RNF121: variants seen among roughly 807,000 people sequenced by gnomAD.
RNF121 encodes ring finger protein 121, also known as E3 ubiquitin ligase RNF121.
A neutral mutation model predicts 46.5 loss-of-function variants in RNF121; 21 were observed. That is an observed-to-expected ratio of 0.45 (90% CI 0.32 to 0.65). RNF121 has a LOEUF of 0.65. Ranked by LOEUF, RNF121 falls within the 30% of genes least tolerant of loss-of-function variation. RNF121 has a pLI of 0.04. For missense variants in RNF121, 346 were observed against 416.0 expected (o/e 0.83, Z 1.46); for synonymous variants, 139 against 144.7 (o/e 0.96, Z 0.28).
intron 1 of RNF121, among the ~76,000 whole-genome samples, chr11:71,941,028 A>G (rs567992947): frequency 6.6e-6 from 1 of 152,222 alleles, no homozygotes; most frequent in Non-Finnish European, 1.5e-5. Flanking sequence ...GTTAAACGTA[A>G]GGGGATAGCA....
At chr11:71,954,118 T>C (rs1390358532) in intron 1 of RNF121, among the ~76,000 whole-genome samples, 1 of 152,194 alleles carries the variant, frequency 6.6e-6, no homozygotes, top group Admixed American at 6.5e-5. Context: ...CTACCTGAGC[T>C]TTGGACAAGG....
At chr11:71,987,222 T>G in intron 5 of RNF121, 111 bp downstream of exon 5, 1 of 723,260 alleles carries the variant, frequency 1.4e-6, no homozygotes, top group South Asian at 1.5e-5. Context: ...ATATCCAGGA[T>G]AGGAGACTTG....
At chr11:71,983,461 A>G (rs1432970217) in intron 4 of RNF121, among the ~76,000 whole-genome samples, 1 of 152,256 alleles carries the variant, frequency 6.6e-6, no homozygotes, top group Non-Finnish European at 1.5e-5. Context: ...GAATCTCAGC[A>G]AATTTATAAT....
chr11:71,953,601 G>T (rs1007252044), intron 1 of RNF121, among the ~76,000 whole-genome samples: 1 of 152,154 alleles, frequency 6.6e-6, no homozygotes, highest in African/African-American at 2.4e-5. Flanking sequence ...GGGTACTCTT[G>T]GTGCTAGGCT....
At chr11:71,942,791 G>GATAC (rs1216560396) in intron 1 of RNF121, among the ~76,000 whole-genome samples, 7 of 70,996 alleles carry the variant, frequency 9.9e-5, no homozygotes, top group Non-Finnish European at 1.9e-4. Context: ...TATATATATA[G>GATAC]ATATATATAT....
At chr11:71,949,379 C>T (rs903335484) in intron 1 of RNF121, among the ~76,000 whole-genome samples, 4 of 151,970 alleles carry the variant, frequency 2.6e-5, no homozygotes, top group Non-Finnish European at 5.9e-5. Flanking sequence ...GATTGCACTA[C>T]GGCACTCCAG....
rs1192627641 is a variant in RNF121 at position 71,994,161 on chromosome 11, C to T, written c.628-558C>T. The stretch of plus-strand genomic sequence containing the variant: ...AGCCTCCTCTTATTTCTTTAAATTC[C>T]TTGAAGTGAAATTAATGGGTCAAAA... On this transcript the variant is annotated intron_variant, in intron 6 of 8. Coordinates refer to ENST00000361756, the MANE Select transcript of RNF121 (RefSeq NM_018320.5). Among the ~76,000 whole-genome samples the T allele has an allele frequency of 2.6e-5, 4 of 152,068 alleles. No individual in the cohort carries two copies. In the East Asian group the frequency reaches 7.7e-4, roughly 29 times the overall value.
At chr11:71,960,631 C>A in intron 2 of RNF121, 119 bp from the exon 3 acceptor site, 1 of 1,181,648 alleles carries the variant, frequency 8.5e-7, no homozygotes, top group Non-Finnish European at 1.2e-6. Context: ...TGGTACCCTG[C>A]AGCTATGAAG....
chr11:71,989,468 G>A lies in RNF121; in HGVS notation c.507-1129G>A, dbSNP rs79844647. ...TCTACAATGAGGAAAACAGAATTGA[G>A]AATCTTGATCATTTTTGTGCTACTG... On this transcript the variant is annotated intron_variant, in intron 5 of 8. Coordinates refer to ENST00000361756, the MANE Select transcript of RNF121 (RefSeq NM_018320.5). Among the ~76,000 whole-genome samples, 41 of 152,254 alleles carry A rather than the reference G, an allele frequency of 2.7e-4. No individual in the cohort carries two copies. The East Asian group carries it at 7.7e-3, about 29-fold the overall frequency.
intron 2 of RNF121, among the ~76,000 whole-genome samples, chr11:71,958,682 G>A (rs1954052089): frequency 6.6e-6 from 1 of 152,112 alleles, no homozygotes; most frequent in Non-Finnish European, 1.5e-5. Flanking sequence ...ATCTAGCCTG[G>A]ATGACAGAGC....
At chr11:71,929,148 AGAGACTCAACCT>A in intron 1 of RNF121, 24 bp downstream of exon 1, 1 of 1,548,678 alleles carries the variant, frequency 6.5e-7, no homozygotes, top group Non-Finnish European at 8.7e-7. Context: ...AGAGACGAGG[AGAGACTCAACCT>A]GAGACTGAGG....
intron 3 of RNF121, among the ~76,000 whole-genome samples, chr11:71,974,743 G>A (rs546917913): frequency 7.9e-5 from 12 of 152,210 alleles, no homozygotes; most frequent in Middle Eastern, 3.4e-3. Flanking sequence ...TTGGATCTCA[G>A]GTACTTTCTC....
chr11:71,934,016 G>A (rs954295766), intron 1 of RNF121, among the ~76,000 whole-genome samples: 24 of 152,000 alleles, frequency 1.6e-4, no homozygotes, highest in African/African-American at 7.3e-5. Context: ...AATTACTTCC[G>A]GGCTTTGTTG....
At chr11:71,930,476 A>G (rs1339694142) in intron 1 of RNF121, among the ~76,000 whole-genome samples, 1 of 152,150 alleles carries the variant, frequency 6.6e-6, no homozygotes, top group Non-Finnish European at 1.5e-5. Context: ...GGACTGAGAA[A>G]TTGACAGGTG....
At chr11:71,959,984 G>A (rs1482517502) in intron 2 of RNF121, among the ~76,000 whole-genome samples, 1 of 152,118 alleles carries the variant, frequency 6.6e-6, no homozygotes, top group East Asian at 1.9e-4. Context: ...GACCCAGAGT[G>A]GTAGGAGTGA....
At chr11:71,934,770 G>C (rs889984588) in intron 1 of RNF121, among the ~76,000 whole-genome samples, 4 of 152,178 alleles carry the variant, frequency 2.6e-5, no homozygotes, top group African/African-American at 9.6e-5. Flanking sequence ...TTCTAGACTA[G>C]GAATAGCAGA....
intron 3 of RNF121, among the ~76,000 whole-genome samples, chr11:71,968,846 AT>A (rs1380819659): frequency 1.3e-5 from 2 of 149,780 alleles, no homozygotes. Flanking sequence ...CCAAGAGAAG[AT>A]TTTGGTACAT....
intron 6 of RNF121, 55 bp from the exon 7 acceptor site, chr11:71,994,664 C>G (rs1357645019): frequency 5.6e-6 from 9 of 1,609,170 alleles, no homozygotes; most frequent in Non-Finnish European, 6.8e-6. Flanking sequence ...GAGCTTCCTA[C>G]TTTGGCTGCT....
At chr11:71,995,351 C>A in intron 7 of RNF121, 99 bp from the exon 8 acceptor site, 1 of 898,246 alleles carries the variant, frequency 1.1e-6, no homozygotes, top group Non-Finnish European at 1.8e-6. Flanking sequence ...CATTACAGAG[C>A]TGATAAAGAG....
Sources: allele counts gnomAD v4.1 joint callset (sites outside exome capture counted in the v4.1 genomes callset), GRCh38; gene constraint gnomAD v4.1.1; transcripts MANE v1.5; gene names NCBI Gene and HGNC (gene_info 2026-07-23, HGNC 2026-07-21).